ZNF469: variants seen among roughly 807,000 people sequenced by gnomAD.
ZNF469 encodes the protein zinc finger protein 469.
ZNF469 carries 1 observed loss-of-function variant against 1.0 expected under a neutral mutation model. The ratio of observed to expected loss-of-function variants is 1.00; its 90% CI spans 0.35 to 4.73. ZNF469 has a LOEUF of 4.73. Among genes scored for constraint, ZNF469 ranks in the 30% most tolerant of loss-of-function variants. ZNF469 has a pLI of 0.16. For missense variants in ZNF469, 6,100 were observed against 5,356.3 expected (o/e 1.14, Z -4.33); for synonymous variants, 2,703 against 2,363.4 (o/e 1.14, Z -4.17).
the ZNF469 span, among the ~76,000 whole-genome samples, chr16:88,341,343 G>A: frequency 6.6e-6 from 1 of 152,166 alleles, no homozygotes; most frequent in Non-Finnish European, 1.5e-5. Context: ...CTGGGAACAT[G>A]CGTTTGGAAT....
At chr16:88,384,251 T>A (rs2092532457) in intron 1 of ZNF469, among the ~76,000 whole-genome samples, 1 of 152,194 alleles carries the variant, frequency 6.6e-6, no homozygotes. Flanking sequence ...CGCGGTAGTG[T>A]CGTGGACAGC....
chr16:88,192,664 GTAA>G, the ZNF469 span, among the ~76,000 whole-genome samples: 1 of 151,564 alleles, frequency 6.6e-6, no homozygotes, highest in Non-Finnish European at 1.5e-5. Context: ...AGTGATGGTG[GTAA>G]TGATGATGGT....
chr16:88,347,679 C>T, the ZNF469 span, among the ~76,000 whole-genome samples: 1 of 152,236 alleles, frequency 6.6e-6, no homozygotes, highest in Non-Finnish European at 1.5e-5. Flanking sequence ...CGGGGCCAGT[C>T]TCCTCCAATC....
Position 88,431,055 on chromosome 16 carries a change from C to T in ZNF469, c.3585C>T (p.Pro1195=). The change falls in exon 3 of 3, where the codon CCC becomes CCT. Residue 1195 remains proline, a synonymous_variant. Coordinates refer to ENST00000565624, the MANE Select transcript of ZNF469 (RefSeq NM_001367624.2). The part of the protein sequence containing the change: ...REGGPKCADR[P]SVAPKDPLQV... Reference sequence around the variant, plus strand: ...GAGGCCCCAAGTGTGCTGATCGCCCCTCAGTGGCCCCCAAGGATCCCCTGC... The same window carrying T: ...GAGGCCCCAAGTGTGCTGATCGCCCTTCAGTGGCCCCCAAGGATCCCCTGC... The T allele has an allele frequency of 1.3e-6, 2 of 1,548,952 alleles. No individual in the cohort carries two copies. The highest frequency in any genetic ancestry group is 1.7e-6 in the Non-Finnish European group (2 of 1,146,814).
chr16:88,401,683 A>AG (rs1567501699), intron 1 of ZNF469, among the ~76,000 whole-genome samples: 2 of 30,470 alleles, frequency 6.6e-5, no homozygotes, highest in Admixed American at 2.4e-4. Flanking sequence ...GAGTGCATGG[A>AG]TGGATGGATG....
At chr16:88,227,829 C>G in the ZNF469 span, among the ~76,000 whole-genome samples, 2 of 152,214 alleles carry the variant, frequency 1.3e-5, no homozygotes, top group East Asian at 3.9e-4. Context: ...AGGAGCCGGC[C>G]CAGGGGTGCC....
At position 88,432,004 on chromosome 16, in the gene ZNF469, C is replaced by T; in HGVS notation, c.4534C>T (p.Pro1512Ser). ...LLLEEVSPMLPSHFPDLSGGK... is the reference protein window; with the variant it reads ...LLLEEVSPMLSSHFPDLSGGK... ...GCTTGAGGAAGTATCCCCGATGCTGCCTAGCCATTTTCCTGATCTCTCGGG... is the reference window on the plus strand; with the variant it reads ...GCTTGAGGAAGTATCCCCGATGCTGTCTAGCCATTTTCCTGATCTCTCGGG... The change falls in exon 3 of 3, where the codon CCT becomes TCT. Residue 1512 changes from proline to serine, a missense_variant. Pro to Ser is a moderately conservative substitution (Grantham distance 74). Coordinates refer to ENST00000565624, the MANE Select transcript of ZNF469 (RefSeq NM_001367624.2). 6.5e-7 allele frequency: 1 copy of T among 1,550,098 alleles called. No homozygotes were observed. Among genetic ancestry groups the T allele is most frequent in the African/African-American group, 1.4e-5 (1 of 73,112 alleles).
the ZNF469 span, among the ~76,000 whole-genome samples, chr16:88,239,257 G>A: frequency 3.9e-5 from 6 of 152,078 alleles, no homozygotes; most frequent in Admixed American, 3.3e-4. Flanking sequence ...TTGTGAGTTG[G>A]GTAGATCAGC....
chr16:88,198,384 C>T, the ZNF469 span, among the ~76,000 whole-genome samples: 7 of 152,160 alleles, frequency 4.6e-5, no homozygotes, highest in East Asian at 1.9e-4. Flanking sequence ...AAGCCTCCTC[C>T]GGTGGGGGGC....
chr16:88,333,068 G>A, the ZNF469 span, among the ~76,000 whole-genome samples: 2,072 of 152,298 alleles, frequency 0.014, 32 homozygotes, highest in African/African-American at 0.046. Flanking sequence ...GTGATTTGGC[G>A]GTAAACCTTA....
the ZNF469 span, among the ~76,000 whole-genome samples, chr16:88,251,536 GTCTTTTTTTTTTTTTTTTTTTT>G: frequency 1.3e-5 from 1 of 78,788 alleles, no homozygotes; most frequent in Non-Finnish European, 2.3e-5. Context: ...TGTCCCTGCT[GTCTTTTTTTTTTTTTTTTTTTT>G]TTTTTTTTTT....
chr16:88,247,851 G>T, the ZNF469 span, among the ~76,000 whole-genome samples: 2 of 152,270 alleles, frequency 1.3e-5, no homozygotes. Context: ...ATGAGTGACT[G>T]CTTGGGTGAA....
chr16:88,368,269 C>G, the ZNF469 span, among the ~76,000 whole-genome samples: 1 of 152,216 alleles, frequency 6.6e-6, no homozygotes, highest in African/African-American at 2.4e-5. Flanking sequence ...CGGGCAGATA[C>G]TGAGGAGGGC....
rs1037451392 is a variant in ZNF469 at position 88,430,366 on chromosome 16, G to A, written c.2896G>A (p.Gly966Arg). The A allele has an allele frequency of 1.5e-5, 23 of 1,510,216 alleles. No homozygotes were observed. The highest frequency in any genetic ancestry group is 1.7e-4 in the Middle Eastern group (1 of 5,724). 93.6% of individuals were successfully genotyped at this position (1,510,216 alleles called of 1,614,324 possible). ...TCTGGACTCGGGCGGCGCAGCAGAG[G>A]GGTCGGGGTCGGGCGGCGGCGGCAG... is the stretch of plus-strand genomic sequence containing the variant. Reference protein sequence around the residue: ...KDLDSGGAAEGSGSGGGGRAS... With the variant: ...KDLDSGGAAERSGSGGGGRAS... Residue 966 changes from glycine to arginine, a missense_variant, in exon 3 of 3, where the codon GGG (glycine) becomes AGG (arginine). Coordinates refer to ENST00000565624, the MANE Select transcript of ZNF469 (RefSeq NM_001367624.2).
intron 1 of ZNF469, among the ~76,000 whole-genome samples, chr16:88,403,884 A>AT (rs1904952919): frequency 6.6e-6 from 1 of 151,830 alleles, no homozygotes; most frequent in Non-Finnish European, 1.5e-5. Context: ...TCAAAAGCAA[A>AT]TTCAGGGGTT....
chr16:88,332,724 G>A, the ZNF469 span, among the ~76,000 whole-genome samples: 1 of 152,274 alleles, frequency 6.6e-6, no homozygotes, highest in Non-Finnish European at 1.5e-5. Context: ...GGGGAGGGGG[G>A]GCTGCTGGGA....
At chr16:88,117,802 C>T in the ZNF469 span, among the ~76,000 whole-genome samples, 16 of 152,268 alleles carry the variant, frequency 1.1e-4, no homozygotes, top group South Asian at 2.7e-3. Context: ...GTGGACCTGT[C>T]GGAGTGACTG....
the ZNF469 span, among the ~76,000 whole-genome samples, chr16:88,247,809 G>GAGAA: frequency 6.6e-6 from 1 of 152,096 alleles, no homozygotes; most frequent in Non-Finnish European, 1.5e-5. Flanking sequence ...GAATGAGTGA[G>GAGAA]TGAGTGAGTG....
chr16:88,115,147 G>A, the ZNF469 span, among the ~76,000 whole-genome samples: 1 of 152,166 alleles, frequency 6.6e-6, no homozygotes, highest in African/African-American at 2.4e-5. Context: ...TGCGCATTCA[G>A]GGTGTGATTC....
Sources: allele counts gnomAD v4.1 joint callset (sites outside exome capture counted in the v4.1 genomes callset), GRCh38; gene constraint gnomAD v4.1.1; transcripts MANE v1.5; gene names NCBI Gene and HGNC (gene_info 2026-07-23, HGNC 2026-07-21).